GALNT13: variants seen among roughly 807,000 people sequenced by gnomAD.
GALNT13 encodes the protein UDP-GalNAc:polypeptide N-acetylgalactosaminyltransferase 13.
A neutral mutation model predicts 64.2 loss-of-function variants in GALNT13; 28 were observed. The observed-to-expected ratio is 0.44, with a 90% CI of 0.32 to 0.60. The LOEUF (loss-of-function observed/expected upper bound fraction) is 0.60, where lower values mean the gene tolerates loss of function less well. Ranked by LOEUF, GALNT13 falls within the 20% of genes least tolerant of loss-of-function variation. GALNT13 has a pLI of 0.05. For missense variants in GALNT13, 577 were observed against 669.8 expected, an observed-to-expected ratio of 0.86 and a Z score of 1.53; for synonymous variants, 214 against 224.6, an observed-to-expected ratio of 0.95 and a Z score of 0.42.
At chr2:153,166,266 A>G in the GALNT13 span, among the ~76,000 whole-genome samples, 1 of 152,210 alleles carries the variant, frequency 6.6e-6, no homozygotes, top group Non-Finnish European at 1.5e-5. Flanking sequence ...AATAGAGCAA[A>G]GATGATGGGA....
At chr2:154,121,145 C>T (rs1681919039) in intron 3 of GALNT13, among the ~76,000 whole-genome samples, 1 of 152,138 alleles carries the variant, frequency 6.6e-6, no homozygotes, top group South Asian at 2.1e-4. Flanking sequence ...TCTTCTTACC[C>T]TTCTAAGTCA....
chr2:153,399,475 C>T, the GALNT13 span, among the ~76,000 whole-genome samples: 1 of 151,964 alleles, frequency 6.6e-6, no homozygotes, highest in Non-Finnish European at 1.5e-5. Context: ...GCATTGGTAG[C>T]TTGATGGGGA....
chr2:153,971,749 T>C (rs1332905685), intron 3 of GALNT13, among the ~76,000 whole-genome samples: 1 of 152,126 alleles, frequency 6.6e-6, no homozygotes, highest in Non-Finnish European at 1.5e-5. Context: ...TTATAACCTG[T>C]AAATCTTTTC....
At chr2:153,842,880 A>G in the GALNT13 span, among the ~76,000 whole-genome samples, 1 of 152,320 alleles carries the variant, frequency 6.6e-6, no homozygotes, top group East Asian at 1.9e-4. Context: ...CAGTTTTATC[A>G]AGAAACTGGC....
the GALNT13 span, among the ~76,000 whole-genome samples, chr2:153,581,758 G>A: frequency 1.4e-4 from 22 of 152,148 alleles, no homozygotes; most frequent in East Asian, 4.1e-3. Context: ...TTATATAAGA[G>A]CTTAAGCATG....
At chr2:153,943,493 G>A (rs1194779752) in intron 2 of GALNT13, among the ~76,000 whole-genome samples, 1 of 103,842 alleles carries the variant, frequency 9.6e-6, no homozygotes, top group Non-Finnish European at 2.0e-5. Flanking sequence ...TTTTACGTAT[G>A]TATGTATTTT....
the GALNT13 span, among the ~76,000 whole-genome samples, chr2:153,414,394 A>T: frequency 4.0e-5 from 6 of 151,818 alleles, no homozygotes; most frequent in East Asian, 1.9e-4. Context: ...AATAAAAAAA[A>T]AATAAAATAA....
intron 3 of GALNT13, among the ~76,000 whole-genome samples, chr2:154,103,042 G>T (rs1035664782): frequency 2.6e-5 from 4 of 151,826 alleles, no homozygotes; most frequent in Admixed American, 6.6e-5. Context: ...TCTTGTATAT[G>T]ATGTCTATAT....
At chr2:154,308,663 G>C (rs1451367685) in intron 9 of GALNT13, among the ~76,000 whole-genome samples, 1 of 152,074 alleles carries the variant, frequency 6.6e-6, no homozygotes, top group Non-Finnish European at 1.5e-5. Context: ...GTACCCATGA[G>C]TTTTGAACTT....
At chr2:154,250,654 T>G (rs1249830755) in intron 7 of GALNT13, among the ~76,000 whole-genome samples, 1 of 152,072 alleles carries the variant, frequency 6.6e-6, no homozygotes, top group Non-Finnish European at 1.5e-5. Context: ...TATAATAAAT[T>G]AAAAACACAA....
chr2:153,990,709 T>G (rs1369208556), intron 3 of GALNT13, among the ~76,000 whole-genome samples: 3 of 152,140 alleles, frequency 2.0e-5, no homozygotes, highest in Non-Finnish European at 4.4e-5. Context: ...CCCAAAGCAG[T>G]GTTAGCAACA....
rs879824770 is a variant in GALNT13 at position 153,906,695 on chromosome 2, G to C, written c.-105+5688G>C. On this transcript the variant is annotated intron_variant, in intron 2 of 12. Coordinates refer to ENST00000392825, the MANE Select transcript of GALNT13 (RefSeq NM_052917.4). Reference sequence around the variant, plus strand: ...AGTCTTTGCTATTGTGAATAGTGCTGCAATAAACATACGTGTGCATGTGTC... The same window carrying C: ...AGTCTTTGCTATTGTGAATAGTGCTCCAATAAACATACGTGTGCATGTGTC... 4.5e-3 allele frequency among the ~76,000 whole-genome samples: 673 copies of C among 151,128 alleles called. 2 individuals carry two copies. Among genetic ancestry groups the C allele is most frequent in the African/African-American group, 0.016 (640 of 41,164 alleles).
At chr2:153,434,328 C>T in the GALNT13 span, among the ~76,000 whole-genome samples, 1 of 152,218 alleles carries the variant, frequency 6.6e-6, no homozygotes, top group East Asian at 1.9e-4. Context: ...GATTTATAAT[C>T]CTTTGGGTAT....
the GALNT13 span, among the ~76,000 whole-genome samples, chr2:153,126,783 C>A: frequency 6.6e-6 from 1 of 152,168 alleles, no homozygotes; most frequent in Non-Finnish European, 1.5e-5. Context: ...TGGAAATTCA[C>A]TTTTTCCATT....
chr2:153,271,876 G>T, the GALNT13 span, among the ~76,000 whole-genome samples: 1 of 152,098 alleles, frequency 6.6e-6, no homozygotes, highest in African/African-American at 2.4e-5. Context: ...ATACTACAAG[G>T]CTACAGTAAC....
rs201083794 is a variant in GALNT13, at chr2:154,133,534, TTATATATATATA to T, written c.143-6763_143-6752del. Among the ~76,000 whole-genome samples, 304 of 77,224 alleles carry T rather than the reference TTATATATATATA, an allele frequency of 3.9e-3. 2 individuals are homozygous for T. The highest frequency in any genetic ancestry group is 0.014 in the African/African-American group (226 of 16,048). The allele number at this position is 77,224 out of a possible 152,430, so 50.7% of individuals were successfully genotyped here. A position where few individuals can be genotyped will look rare whatever the true frequency, so the allele number is the denominator to read the frequency against. On this transcript the variant is annotated intron_variant, in intron 3 of 12. Transcript: ENST00000392825. ...TTTTTCAGTAACATAACAGACCATT[TTATATATATATA>T]TATATATATATATATATATATATAT...
At chr2:153,838,382 A>G in the GALNT13 span, among the ~76,000 whole-genome samples, 7 of 151,702 alleles carry the variant, frequency 4.6e-5, no homozygotes, top group Admixed American at 1.3e-4. Context: ...ATGGTTTCAA[A>G]CCCTATATTT....
the GALNT13 span, among the ~76,000 whole-genome samples, chr2:153,278,883 T>C: frequency 6.6e-6 from 1 of 152,278 alleles, no homozygotes; most frequent in East Asian, 1.9e-4. Flanking sequence ...TTTTTTCTAG[T>C]TCTGTGAAAA....
At chr2:153,225,956 C>T in the GALNT13 span, among the ~76,000 whole-genome samples, 3 of 149,688 alleles carry the variant, frequency 2.0e-5, no homozygotes, top group Admixed American at 2.0e-4. Context: ...TTTTTTGAGA[C>T]AGCATCTCAC....
Sources: gnomAD v4.1 joint callset for allele counts (sites outside exome capture counted in the v4.1 genomes callset) on GRCh38, gnomAD v4.1.1 for gene constraint, MANE v1.5 for transcripts, NCBI Gene and HGNC (gene_info 2026-07-23, HGNC 2026-07-21) for gene names.